PPEF1: variants seen among roughly 807,000 people sequenced by gnomAD.
PPEF1 encodes protein phosphatase with EF-hand domain 1.
PPEF1 carries 12 observed loss-of-function variants against 53.3 expected under a neutral mutation model. The observed-to-expected ratio is 0.23, with a 90% CI of 0.14 to 0.36. PPEF1 has a LOEUF of 0.36. Among genes scored for constraint, PPEF1 ranks in the 10% least tolerant of loss-of-function variants. The probability of loss-of-function intolerance (pLI) is 1.00; values close to 1 mark genes in which losing one functional copy is unlikely to be tolerated. For synonymous variants in PPEF1, 165 were observed against 176.7 expected (o/e 0.93, Z 0.52); for missense variants, 334 against 490.4 (o/e 0.68, Z 3.01).
chrX:18,827,368 G>T lies in PPEF1; in HGVS notation c.1843G>T (p.Ala615Ser), dbSNP rs761331187. 1.7e-6 allele frequency: 2 copies of T among 1,209,198 alleles called. No individual in the cohort carries two copies. Among genetic ancestry groups the T allele is most frequent in the Admixed American group, 2.2e-5 (1 of 46,037 alleles). ...TGATGATTCCCAAGTCAATAAGCTT[G>T]CCAACATAATGGACTTGAACAAAGA... is the stretch of plus-strand genomic sequence containing the variant. ...HIDDSQVNKL[A>S]NIMDLNKDGS... Residue 615 changes from alanine to serine, a missense_variant, in exon 16 of 16, where the codon GCC (alanine) becomes TCC (serine). Physicochemically the swap from Ala to Ser is moderately conservative, Grantham distance 99. Coordinates refer to ENST00000470157, the MANE Select transcript of PPEF1 (RefSeq NM_001377996.1).
chrX:18,724,528 G>T (rs1425273616), intron 1 of PPEF1, among the ~76,000 whole-genome samples: 2 of 112,102 alleles, frequency 1.8e-5, no homozygotes, highest in Non-Finnish European at 3.8e-5. Context: ...CAGAAAGTTG[G>T]CCAGGTAACT....
intron 6 of PPEF1, 128 bp downstream of exon 6, chrX:18,761,704 G>T (rs1177060248): frequency 2.3e-6 from 1 of 443,694 alleles, no homozygotes; most frequent in Non-Finnish European, 3.7e-6. Flanking sequence ...TTAACCAGGA[G>T]GCTCAAAGAT....
intron 9 of PPEF1, among the ~76,000 whole-genome samples, chrX:18,784,717 CT>C (rs1051838477): frequency 1.4e-4 from 15 of 110,847 alleles, no homozygotes; most frequent in Non-Finnish European, 2.8e-4. Flanking sequence ...ACTTAGGATA[CT>C]TTTTTTGGAA....
At chrX:18,736,717 T>C (rs779164971) in intron 3 of PPEF1, among the ~76,000 whole-genome samples, 3 of 112,505 alleles carry the variant, frequency 2.7e-5, no homozygotes, top group Admixed American at 9.4e-5. Context: ...CCAGCTCCTC[T>C]TTGTACCTCT....
At chrX:18,788,672 A>G (rs1434672640) in intron 9 of PPEF1, among the ~76,000 whole-genome samples, 1 of 111,700 alleles carries the variant, frequency 9.0e-6, no homozygotes, top group Admixed American at 9.6e-5. Context: ...TCTTGGACAC[A>G]GATGTACCTT....
intron 1 of PPEF1, among the ~76,000 whole-genome samples, chrX:18,722,095 G>A (rs935486805): frequency 8.9e-6 from 1 of 112,009 alleles, no homozygotes; most frequent in African/African-American, 3.2e-5. Flanking sequence ...TTCCAGTGAA[G>A]TCAGAAGTCT....
chrX:18,682,068 C>T (rs1486295550), upstream of PPEF1, among the ~76,000 whole-genome samples: 1 of 112,863 alleles, frequency 8.9e-6, no homozygotes. Flanking sequence ...CACCAGATGG[C>T]TCACAGGATC....
In PPEF1 at chrX:18,806,383, C is replaced by T; in HGVS notation, c.1252-20C>T. The T allele has an allele frequency of 8.4e-7, 1 of 1,192,250 alleles. No individual in the cohort carries two copies. The highest frequency in any genetic ancestry group is 1.1e-6 in the Non-Finnish European group (1 of 883,283). On this transcript the variant is annotated intron_variant, in intron 11 of 15. Transcript: ENST00000470157. ...GAGAACTAATGTTACGTGAACCTGA[C>T]CCTCTTTTTCTTTAACCAGGTGGTG...
chrX:18,776,109 C>T (rs932640503), intron 6 of PPEF1, among the ~76,000 whole-genome samples: 12 of 112,514 alleles, frequency 1.1e-4, no homozygotes, highest in African/African-American at 3.5e-4. Context: ...CTATAGCCTT[C>T]AACAGTCCTC....
chrX:18,760,528 A>G (rs775528236), intron 5 of PPEF1, among the ~76,000 whole-genome samples: 30 of 111,556 alleles, frequency 2.7e-4, no homozygotes, highest in Non-Finnish European at 5.3e-4. Flanking sequence ...AATGCTGACT[A>G]CAATAGATAC....
intron 1 of PPEF1, among the ~76,000 whole-genome samples, chrX:18,726,514 G>A (rs1222815840): frequency 9.0e-6 from 1 of 111,424 alleles, no homozygotes; most frequent in Admixed American, 9.6e-5. Flanking sequence ...CTTGGAGCAA[G>A]AGACTCGCCT....
At chrX:18,767,126 C>G (rs1218714271) in intron 6 of PPEF1, among the ~76,000 whole-genome samples, 1 of 112,416 alleles carries the variant, frequency 8.9e-6, no homozygotes, top group African/African-American at 3.2e-5. Context: ...AATACTAATA[C>G]TCAGCGATCT....
chrX:18,709,178 G>A (rs891411859), intron 1 of PPEF1, among the ~76,000 whole-genome samples: 13 of 111,937 alleles, frequency 1.2e-4, no homozygotes, highest in Admixed American at 2.8e-4. Flanking sequence ...TCACAGTGTC[G>A]TGCAACCACA....
At chrX:18,791,723 T>C (rs961261025) in intron 10 of PPEF1, among the ~76,000 whole-genome samples, 13 of 111,987 alleles carry the variant, frequency 1.2e-4, no homozygotes, top group Non-Finnish European at 1.7e-4. Context: ...CAGTACACTG[T>C]TGAATAAAAG....
intron 1 of PPEF1, among the ~76,000 whole-genome samples, chrX:18,713,572 T>A (rs2044377432): frequency 9.0e-6 from 1 of 111,000 alleles, no homozygotes; most frequent in Non-Finnish European, 1.9e-5. Context: ...GAGTTCATAA[T>A]AATAAATCTG....
intron 3 of PPEF1, among the ~76,000 whole-genome samples, chrX:18,747,191 G>C (rs5909080): frequency 0.47 from 51,796 of 110,374 alleles, 9,330 homozygotes; most frequent in Non-Finnish European, 0.56. Flanking sequence ...CAGTGTGGGG[G>C]AGATGCAAGG....
chrX:18,794,864 G>A, intron 10 of PPEF1, among the ~76,000 whole-genome samples: 1 of 112,441 alleles, frequency 8.9e-6, no homozygotes, highest in Non-Finnish European at 1.9e-5. Context: ...CCTTCATGCT[G>A]ATCAGTGAAG....
chrX:18,742,164 A>T (rs1353328030), intron 3 of PPEF1, among the ~76,000 whole-genome samples: 1 of 111,026 alleles, frequency 9.0e-6, no homozygotes, highest in Admixed American at 9.6e-5. Flanking sequence ...GGTCATTTTT[A>T]TTGCTGAATA....
intron 3 of PPEF1, among the ~76,000 whole-genome samples, chrX:18,742,850 GAAA>G (rs34211576): frequency 2.1e-5 from 2 of 97,366 alleles, no homozygotes; most frequent in African/African-American, 7.5e-5. Context: ...CTCCATCTCA[GAAA>G]AAAAAAAAAA....
Sources: allele counts gnomAD v4.1 joint callset (sites outside exome capture counted in the v4.1 genomes callset), GRCh38; gene constraint gnomAD v4.1.1; transcripts MANE v1.5; gene names NCBI Gene and HGNC (gene_info 2026-07-23, HGNC 2026-07-21).